Variants in AKAP6 observed in about 807,000 individuals in gnomAD.
The protein encoded by AKAP6 is A-kinase anchoring protein 6, also known as A-kinase anchor protein 6.
In AKAP6, 58 loss-of-function variants were observed where a neutral mutation model predicts 188.5. The ratio of observed to expected loss-of-function variants is 0.31; its 90% CI spans 0.25 to 0.38. The LOEUF is 0.38. Ranked by LOEUF, AKAP6 falls within the 10% of genes least tolerant of loss-of-function variation. AKAP6 has a pLI of 1.00. For synonymous variants in AKAP6, 989 were observed against 998.6 expected, an observed-to-expected ratio of 0.99 and a Z score of 0.18; for missense variants, 2,710 against 2,740.0, an observed-to-expected ratio of 0.99 and a Z score of 0.24.
Position 32,433,784 on chromosome 14 carries a change from C to T in AKAP6, c.291C>T (p.Ser97=), listed in dbSNP as rs765529583. 1.4e-5 allele frequency: 23 copies of T among 1,613,888 alleles called. No homozygotes were observed. The South Asian group carries it at 2.5e-4, about 18-fold the overall frequency. The change falls in exon 2 of 14, where the codon AGC becomes AGT. Residue 97 remains serine, a synonymous_variant. Coordinates refer to ENST00000280979, the MANE Select transcript of AKAP6 (RefSeq NM_004274.5). ...LTYSVQQDSD[S]KHVDVHLVQL... Reference sequence around the variant, plus strand: ...ATTCAGTCCAGCAGGATTCGGACAGCAAGCATGTGGATGTACATCTAGTTC... The same window carrying T: ...ATTCAGTCCAGCAGGATTCGGACAGTAAGCATGTGGATGTACATCTAGTTC...
chr14:32,668,627 A>G (rs1461219121), intron 7 of AKAP6, among the ~76,000 whole-genome samples: 3 of 152,102 alleles, frequency 2.0e-5, no homozygotes, highest in African/African-American at 7.2e-5. Flanking sequence ...AAAGTAATGT[A>G]TTATTTTTTA....
chr14:32,694,920 G>A (rs1204048533), intron 8 of AKAP6, among the ~76,000 whole-genome samples: 1 of 152,148 alleles, frequency 6.6e-6, no homozygotes, highest in Non-Finnish European at 1.5e-5. Context: ...AGTACTGATA[G>A]GGTTTTGCTC....
chr14:32,613,033 C>T (rs533985543), intron 7 of AKAP6, among the ~76,000 whole-genome samples: 1 of 152,306 alleles, frequency 6.6e-6, no homozygotes, highest in South Asian at 2.1e-4. Context: ...CATACACATC[C>T]TTCTAGTAAA....
intron 9 of AKAP6, among the ~76,000 whole-genome samples, chr14:32,728,140 A>G (rs537843799): frequency 6.7e-6 from 1 of 150,224 alleles, no homozygotes; most frequent in African/African-American, 2.4e-5. Context: ...GAAGCCTCGA[A>G]TGAGGAGGGC....
chr14:32,468,338 T>C (rs1878577001), intron 2 of AKAP6, among the ~76,000 whole-genome samples: 2 of 152,136 alleles, frequency 1.3e-5, no homozygotes, highest in African/African-American at 4.8e-5. Context: ...GGGACTTAGT[T>C]TTCATCCCTG....
intron 11 of AKAP6, among the ~76,000 whole-genome samples, chr14:32,753,166 A>G (rs141689166): frequency 0.015 from 2,262 of 152,240 alleles, 23 homozygotes; most frequent in Non-Finnish European, 0.023. Flanking sequence ...TCCCAACAAC[A>G]GTGTACAAGG....
intron 7 of AKAP6, among the ~76,000 whole-genome samples, chr14:32,657,995 C>A (rs895383461): frequency 6.6e-6 from 1 of 152,122 alleles, no homozygotes. Context: ...AAGAACTAGT[C>A]TAGCACATTT....
chr14:32,608,625 A>G (rs1886227088), intron 7 of AKAP6, among the ~76,000 whole-genome samples: 1 of 152,160 alleles, frequency 6.6e-6, no homozygotes, highest in Admixed American at 6.5e-5. Flanking sequence ...GGTGTCTCTA[A>G]TCAACACAGG....
chr14:32,662,207 A>G (rs12895848), intron 7 of AKAP6, among the ~76,000 whole-genome samples: 84,607 of 151,900 alleles, frequency 0.56, 24,122 homozygotes, highest in African/African-American at 0.66. Context: ...TTCTCTTTAA[A>G]TATCCTGTAA....
In AKAP6 at chr14:32,568,333, A is replaced by G. The variant is rs146670426; in HGVS notation, c.2347-8787A>G. On this transcript the variant is annotated intron_variant, in intron 4 of 13. Transcript: ENST00000280979. This position sits in a 1 kb window ranked among gnomAD's most constrained non-coding sequence, Gnocchi z 6.2. ...AGCTATAGGACCTTAAATAAATTACATAACTTCTCTATGCCTTAGCCTCTT... is the reference window on the plus strand; with the variant it reads ...AGCTATAGGACCTTAAATAAATTACGTAACTTCTCTATGCCTTAGCCTCTT... Among the ~76,000 whole-genome samples, 28 of 152,292 alleles carry G rather than the reference A, an allele frequency of 1.8e-4. No individual in the cohort carries two copies. The East Asian group carries it at 4.1e-3, about 22-fold the overall frequency.
chr14:32,563,689 G>T (rs139964921), intron 4 of AKAP6, among the ~76,000 whole-genome samples: 4 of 152,112 alleles, frequency 2.6e-5, no homozygotes, highest in East Asian at 1.9e-4. Context: ...GCCACCCCAG[G>T]TTCCTGCACC....
chr14:32,335,575 G>A (rs1886664677), intron 1 of AKAP6, among the ~76,000 whole-genome samples: 1 of 152,176 alleles, frequency 6.6e-6, no homozygotes, highest in South Asian at 2.1e-4. Flanking sequence ...TTCTTTTATA[G>A]GCAATGGGGG....
chr14:32,825,485 C>T (rs550979832), intron 13 of AKAP6, among the ~76,000 whole-genome samples: 19 of 152,252 alleles, frequency 1.2e-4, no homozygotes, highest in East Asian at 3.9e-4. Flanking sequence ...AAGTTAATGG[C>T]GTTTTGATAA....
chr14:32,653,374 G>C (rs1220958213), intron 7 of AKAP6, among the ~76,000 whole-genome samples: 1 of 152,082 alleles, frequency 6.6e-6, no homozygotes, highest in African/African-American at 2.4e-5. Context: ...GATTATGAGG[G>C]CTCACTCATG....
chr14:32,380,554 A>G (rs373940191), intron 1 of AKAP6, among the ~76,000 whole-genome samples: 31 of 152,316 alleles, frequency 2.0e-4, no homozygotes, highest in South Asian at 6.2e-4. Flanking sequence ...TATGTTATCA[A>G]AGTCGGTGGT....
chr14:32,683,627 A>T (rs1179580669), intron 8 of AKAP6, among the ~76,000 whole-genome samples: 1 of 152,238 alleles, frequency 6.6e-6, no homozygotes, highest in Non-Finnish European at 1.5e-5. Context: ...GGTGATAGGT[A>T]TATGGAAATC....
chr14:32,502,208 A>G (rs1880641612), intron 2 of AKAP6, among the ~76,000 whole-genome samples: 1 of 152,156 alleles, frequency 6.6e-6, no homozygotes, highest in African/African-American at 2.4e-5. Context: ...TAATGGTGAA[A>G]TTATTGAACT....
At position 32,582,585 on chromosome 14, in the gene AKAP6, T is replaced by G. The variant is rs567420120; in HGVS notation, c.2469+5343T>G. Among the ~76,000 whole-genome samples the G allele has an allele frequency of 4.8e-3, 733 of 152,340 alleles. 2 individuals carry two copies. Among genetic ancestry groups the G allele is most frequent in the African/African-American group, 0.016 (656 of 41,568 alleles). ...CCAGGATAATATCCTGCAGAGTGTTTTCCAACTTGGTTCCATTCTCCCTGT... is the reference window on the plus strand; with the variant it reads ...CCAGGATAATATCCTGCAGAGTGTTGTCCAACTTGGTTCCATTCTCCCTGT... On this transcript the variant is annotated intron_variant, in intron 5 of 13. Coordinates refer to ENST00000280979, the MANE Select transcript of AKAP6 (RefSeq NM_004274.5).
In AKAP6 at chr14:32,804,412, G is replaced by T. The variant is rs141869876; in HGVS notation, c.3589-16990G>T. The stretch of plus-strand genomic sequence containing the variant: ...ACATATTGGTAGGACCACGAAGCCC[G>T]CCTGAGTCTCAGACCAGCAAGTTTT... On this transcript the variant is annotated intron_variant, in intron 12 of 13. Coordinates refer to ENST00000280979, the MANE Select transcript of AKAP6 (RefSeq NM_004274.5). 9.7e-3 allele frequency among the ~76,000 whole-genome samples: 1,474 copies of T among 152,176 alleles called. 19 individuals are homozygous for T. Among genetic ancestry groups the T allele is most frequent in the African/African-American group, 0.034 (1,424 of 41,526 alleles).
Sources: gnomAD v4.1 joint callset for allele counts (sites outside exome capture counted in the v4.1 genomes callset) on GRCh38, gnomAD v4.1.1 for gene constraint, Gnocchi (gnomAD v3.1) non-coding constraint, MANE v1.5 for transcripts, NCBI Gene and HGNC (gene_info 2026-07-23, HGNC 2026-07-21) for gene names.